PRKG1: variants seen among roughly 807,000 people sequenced by gnomAD.
PRKG1 encodes the protein cGMP-dependent protein kinase 1.
In PRKG1, 35 loss-of-function variants were observed where a neutral mutation model predicts 88.1. That is an observed-to-expected ratio of 0.40 (90% CI 0.30 to 0.53). The LOEUF is 0.53. PRKG1 is among the 20% of genes least tolerant of loss of function. The pLI, the probability that PRKG1 is intolerant of heterozygous loss-of-function variation, is 0.59. For synonymous variants in PRKG1, 303 were observed against 292.5 expected (o/e 1.04, Z -0.37); for missense variants, 540 against 839.8 (o/e 0.64, Z 4.41).
At chr10:51,519,819 C>T (rs1028182125) in intron 3 of PRKG1, among the ~76,000 whole-genome samples, 6 of 152,070 alleles carry the variant, frequency 3.9e-5, no homozygotes, top group South Asian at 2.1e-4. Flanking sequence ...CTACTTCATG[C>T]GACAGCTAAA....
At chr10:51,545,584 G>C (rs1842426047) in intron 3 of PRKG1, among the ~76,000 whole-genome samples, 1 of 152,088 alleles carries the variant, frequency 6.6e-6, no homozygotes, top group Non-Finnish European at 1.5e-5. Context: ...CAGAAGAACA[G>C]CAGCAAAGTA....
chr10:51,674,999 A>G (rs778747481), intron 3 of PRKG1, among the ~76,000 whole-genome samples: 1 of 152,194 alleles, frequency 6.6e-6, no homozygotes, highest in Non-Finnish European at 1.5e-5. Context: ...TTTTTTGGGT[A>G]TGAAGCAAAT....
At chr10:51,553,580 C>T (rs1837195426) in intron 3 of PRKG1, among the ~76,000 whole-genome samples, 1 of 151,552 alleles carries the variant, frequency 6.6e-6, no homozygotes, top group African/African-American at 2.4e-5. Context: ...CCTGAAAAGG[C>T]AGCCAAAGTG....
chr10:52,048,581 A>C (rs1166090727), intron 5 of PRKG1, among the ~76,000 whole-genome samples: 1 of 152,162 alleles, frequency 6.6e-6, no homozygotes, highest in Admixed American at 6.6e-5. Flanking sequence ...TCATCAAATA[A>C]ATATGTGTAG....
chr10:51,970,050 A>ACACACCCACC (rs983494491), intron 5 of PRKG1, among the ~76,000 whole-genome samples: 3 of 133,470 alleles, frequency 2.2e-5, no homozygotes, highest in Middle Eastern at 3.5e-3. Flanking sequence ...ACACACACAC[A>ACACACCCACC]CCCATATTTA....
At chr10:52,033,825 CG>C (rs1392059239) in intron 5 of PRKG1, among the ~76,000 whole-genome samples, 1 of 151,940 alleles carries the variant, frequency 6.6e-6, no homozygotes, top group African/African-American at 2.4e-5. Flanking sequence ...TTATTTCACC[CG>C]GGTGCAGGCG....
chr10:52,007,145 A>G (rs1281690315), intron 5 of PRKG1, among the ~76,000 whole-genome samples: 1 of 152,228 alleles, frequency 6.6e-6, no homozygotes, highest in Non-Finnish European at 1.5e-5. Flanking sequence ...GAAAGGAAAG[A>G]CCGTTACCAG....
chr10:51,705,228 C>A (rs947875743), intron 3 of PRKG1, among the ~76,000 whole-genome samples: 1 of 152,104 alleles, frequency 6.6e-6, no homozygotes, highest in African/African-American at 2.4e-5. Context: ...TCAAAGACTT[C>A]CATTTAGAGT....
chr10:51,533,860 C>T (rs1365611098), intron 3 of PRKG1, among the ~76,000 whole-genome samples: 2 of 152,084 alleles, frequency 1.3e-5, no homozygotes, highest in African/African-American at 4.8e-5. Context: ...GTTGTTCTGT[C>T]TTAGAATCGG....
intron 7 of PRKG1, among the ~76,000 whole-genome samples, chr10:52,130,559 G>A (rs2134767): frequency 0.38 from 58,402 of 152,050 alleles, 13,728 homozygotes; most frequent in Non-Finnish European, 0.51. Context: ...TATATTTCAG[G>A]AAAAGCTAAA....
At chr10:51,350,987 C>T (rs1312310146) in intron 2 of PRKG1, among the ~76,000 whole-genome samples, 1 of 152,108 alleles carries the variant, frequency 6.6e-6, no homozygotes, top group African/African-American at 2.4e-5. Context: ...CATTGTTCAA[C>T]TCCTACTTAT....
intron 8 of PRKG1, among the ~76,000 whole-genome samples, chr10:52,144,309 A>G (rs1837668105): frequency 6.6e-6 from 1 of 152,230 alleles, no homozygotes; most frequent in Admixed American, 6.5e-5. Flanking sequence ...TAGTAAATAA[A>G]TATCCTAGTA....
chr10:52,146,820 T>C (rs890712131), intron 8 of PRKG1, among the ~76,000 whole-genome samples: 1 of 152,194 alleles, frequency 6.6e-6, no homozygotes, highest in Admixed American at 6.6e-5. Context: ...TCAAAGGATA[T>C]GTATTTTTTA....
intron 9 of PRKG1, among the ~76,000 whole-genome samples, chr10:52,204,469 G>A (rs1005378814): frequency 3.3e-5 from 5 of 152,166 alleles, no homozygotes; most frequent in Non-Finnish European, 5.9e-5. Flanking sequence ...TGGAGGGACT[G>A]GCTGAAGCCA....
chr10:51,759,615 A>T (rs535551951), intron 3 of PRKG1, among the ~76,000 whole-genome samples: 142 of 152,264 alleles, frequency 9.3e-4, no homozygotes, highest in Middle Eastern at 3.4e-3. Flanking sequence ...AAGTTAGGAC[A>T]AGGTAAGTTT....
At chr10:51,467,293 G>T (rs1235926802) in intron 2 of PRKG1, among the ~76,000 whole-genome samples, 2 of 151,916 alleles carry the variant, frequency 1.3e-5, no homozygotes, top group East Asian at 1.9e-4. Flanking sequence ...TAATGGCAAA[G>T]GGTCAAAGTA....
chr10:51,534,297 T>C (rs1338974905), intron 3 of PRKG1, among the ~76,000 whole-genome samples: 1 of 152,194 alleles, frequency 6.6e-6, no homozygotes, highest in African/African-American at 2.4e-5. Flanking sequence ...TCATGACTAA[T>C]TGCTTGTCTA....
chr10:51,843,363 T>C (rs1840326350), intron 4 of PRKG1, among the ~76,000 whole-genome samples: 1 of 152,150 alleles, frequency 6.6e-6, no homozygotes, highest in African/African-American at 2.4e-5. Flanking sequence ...CTCATTTGCG[T>C]TGGGGTATAC....
Position 51,749,814 on chromosome 10 carries a change from G to A in PRKG1, c.593-54771G>A, listed in dbSNP as rs182188028. On this transcript the variant is annotated intron_variant, in intron 3 of 17. Transcript: ENST00000373980. ...TTAAACTGCTCCTCAGAGGACAGAT[G>A]CCAATCTCCAGCATTTAATAAGGTT... Among the ~76,000 whole-genome samples the A allele has an allele frequency of 2.8e-3, 433 of 152,176 alleles. 1 individual carries two copies. The highest frequency in any genetic ancestry group is 0.014 in the Middle Eastern group (4 of 292).
Sources: gnomAD v4.1 joint callset for allele counts (sites outside exome capture counted in the v4.1 genomes callset) on GRCh38, gnomAD v4.1.1 for gene constraint, MANE v1.5 for transcripts, NCBI Gene and HGNC (gene_info 2026-07-23, HGNC 2026-07-21) for gene names.